NRG2: variants seen among roughly 807,000 people sequenced by gnomAD.
The protein encoded by NRG2 is neuregulin 2.
NRG2 carries 27 observed loss-of-function variants against 73.9 expected under a neutral mutation model. That is an observed-to-expected ratio of 0.37 (90% confidence interval 0.27 to 0.50). The LOEUF (loss-of-function observed/expected upper bound fraction) is 0.50, where lower values mean the gene tolerates loss of function less well. Among genes scored for constraint, NRG2 ranks in the 20% least tolerant of loss-of-function variants. The pLI is 0.96. For missense variants in NRG2, 1,126 were observed against 1,210.1 expected (o/e 0.93, Z 1.03); for synonymous variants, 532 against 541.0 (o/e 0.98, Z 0.23).
rs757785796 is a variant in NRG2 at position 139,851,616 on chromosome 5, G to C, written c.1760C>G (p.Pro587Arg). ...HDSVDSLRDSPHSERYVSALT... is the reference protein window; with the variant it reads ...HDSVDSLRDSRHSERYVSALT... Reference sequence around the variant, plus strand: ...GGTAGGAACTGACCTCTCGCTGTGTGGGGAGTCGCGAAGGGAGTCCACGGA... The same window carrying C: ...GGTAGGAACTGACCTCTCGCTGTGTCGGGAGTCGCGAAGGGAGTCCACGGA... Residue 587 changes from proline to arginine, a missense_variant, in exon 9 of 10, where the codon CCA (proline) becomes CGA (arginine). Pro to Arg is a moderately radical substitution (Grantham distance 103). Transcript: ENST00000361474. This position sits in a 1 kb window ranked among gnomAD's most constrained non-coding sequence, Gnocchi z 4.2. 1 of 1,613,914 alleles carries C rather than the reference G, an allele frequency of 6.2e-7. No individual in the cohort carries two copies. The highest frequency in any genetic ancestry group is 1.1e-5 in the South Asian group (1 of 91,064).
rs554089179 is a variant in NRG2, at chr5:139,868,992, C to T, written c.1112+2729G>A. Among the ~76,000 whole-genome samples the T allele has an allele frequency of 4.3e-4, 65 of 152,172 alleles. No homozygotes were observed. The highest frequency in any genetic ancestry group is 7.1e-4 in the Non-Finnish European group (48 of 67,986). ...CAGTCCCCAAGAGTCACGCACCAAC[C>T]GTGCTCTACAAACACACGGAGAGAA... is the stretch of plus-strand genomic sequence containing the variant. On this transcript the variant is annotated intron_variant, in intron 4 of 9. Coordinates refer to ENST00000361474, the MANE Select transcript of NRG2 (RefSeq NM_004883.3). This position sits in a 1 kb window ranked among gnomAD's most constrained non-coding sequence, Gnocchi z 4.2.
chr5:139,924,705 C>T (rs544735893), intron 1 of NRG2, among the ~76,000 whole-genome samples: 1 of 152,170 alleles, frequency 6.6e-6, no homozygotes, highest in African/African-American at 2.4e-5. Flanking sequence ...GGAGGCTCAG[C>T]TAATCTCTTC....
At chr5:139,884,646 C>G (rs921501664) in intron 2 of NRG2, among the ~76,000 whole-genome samples, 9 of 151,922 alleles carry the variant, frequency 5.9e-5, no homozygotes, top group African/African-American at 2.2e-4. Flanking sequence ...TTTTTTTTTC[C>G]TGAAGAAAAG....
At chr5:139,872,965 G>A (rs773872109) in intron 3 of NRG2, among the ~76,000 whole-genome samples, 5 of 152,144 alleles carry the variant, frequency 3.3e-5, no homozygotes, top group Non-Finnish European at 5.9e-5. Context: ...GGTGGCCCAA[G>A]CTACCCCAGC....
intron 3 of NRG2, among the ~76,000 whole-genome samples, chr5:139,876,478 T>C (rs1363614114): frequency 1.3e-5 from 2 of 152,172 alleles, no homozygotes; most frequent in East Asian, 3.8e-4. Context: ...AATTTTATGG[T>C]ATATAAATTA....
chr5:139,997,317 A>C (rs1003647542), intron 1 of NRG2, among the ~76,000 whole-genome samples: 2 of 152,222 alleles, frequency 1.3e-5, no homozygotes, highest in Middle Eastern at 3.4e-3. Context: ...AAAGCTCAGC[A>C]CTCTGCCTTT....
At chr5:139,895,162 C>T (rs1325612007) in intron 1 of NRG2, among the ~76,000 whole-genome samples, 2 of 152,240 alleles carry the variant, frequency 1.3e-5, no homozygotes, top group Admixed American at 6.5e-5. Flanking sequence ...CCAGGCCTGA[C>T]CACCAGGGAC....
chr5:139,939,745 T>C (rs1476823528), intron 1 of NRG2, among the ~76,000 whole-genome samples: 1 of 152,198 alleles, frequency 6.6e-6, no homozygotes, highest in Admixed American at 6.5e-5. Flanking sequence ...ATGTCTAGAA[T>C]ATATGTTTTA....
At chr5:140,009,940 C>A (rs980055876) in intron 1 of NRG2, among the ~76,000 whole-genome samples, 2 of 152,086 alleles carry the variant, frequency 1.3e-5, no homozygotes, top group African/African-American at 2.4e-5. Context: ...TCAGTGGTTG[C>A]CAGGGGCTGA....
In NRG2 at chr5:139,954,433, T is replaced by C. The variant is rs1193645572; in HGVS notation, c.701-66922A>G. ...TGTGCCAGCACTCTCCTGGCTGTCC[T>C]GCCTGTTTTCTCCCTTCCAATTCAT... On this transcript the variant is annotated intron_variant, in intron 1 of 9. Transcript: ENST00000361474. The surrounding 1 kb of genome is among the most constrained non-coding windows in gnomAD (Gnocchi z 5.0). 2.0e-5 allele frequency among the ~76,000 whole-genome samples: 3 copies of C among 152,216 alleles called. No homozygotes were observed. Among genetic ancestry groups the C allele is most frequent in the African/African-American group, 7.2e-5 (3 of 41,464 alleles).
intron 1 of NRG2, among the ~76,000 whole-genome samples, chr5:139,963,411 C>A (rs1402329334): frequency 6.6e-6 from 1 of 152,224 alleles, no homozygotes; most frequent in Non-Finnish European, 1.5e-5. Context: ...CCGTCCCTAT[C>A]TCAACCAGGT....
At chr5:139,855,565 GA>G in intron 6 of NRG2, 110 bp downstream of exon 6, 1 of 904,270 alleles carries the variant, frequency 1.1e-6, no homozygotes, top group African/African-American at 1.6e-5. Flanking sequence ...TGGGGCCTAG[GA>G]GGGTATAGAG....
rs112259669 is a variant in NRG2, at chr5:139,880,914, G to A, written c.933C>T (p.Cys311=). The change falls in exon 3 of 10, where the codon TGC becomes TGT. Residue 311 remains cysteine (C), a synonymous_variant. Transcript: ENST00000361474. The part of the protein sequence containing the change: ...VKVEDAGEYV[C]EAENILGKDT... ...CCTTCCCCAGGATGTTCTCGGCCTC[G>A]CAGACATACTCCCCAGCGTCCTCCA... is the stretch of plus-strand genomic sequence containing the variant. The A allele has an allele frequency of 6.3e-5, 101 of 1,614,018 alleles. No individual in the cohort carries two copies. The highest frequency in any genetic ancestry group is 4.1e-4 in the African/African-American group (31 of 74,922).
At chr5:139,968,165 T>C (rs1478537004) in intron 1 of NRG2, among the ~76,000 whole-genome samples, 1 of 152,038 alleles carries the variant, frequency 6.6e-6, no homozygotes, top group African/African-American at 2.4e-5. Flanking sequence ...CACTCTCCGA[T>C]AGTCCCGTCC....
rs77838897 is a variant in NRG2, at chr5:139,949,292, C to A, written c.701-61781G>T. Among the ~76,000 whole-genome samples, 809 of 152,256 alleles carry A rather than the reference C, an allele frequency of 5.3e-3. 7 individuals are homozygous for A. Among genetic ancestry groups the A allele is most frequent in the African/African-American group, 0.018 (734 of 41,544 alleles). ...AGACATATAATGGTCATGCTATGTA[C>A]AAACTATGATATCACTATTTTAGGG... is the stretch of plus-strand genomic sequence containing the variant. On this transcript the variant is annotated intron_variant, in intron 1 of 9. Coordinates refer to ENST00000361474, the MANE Select transcript of NRG2 (RefSeq NM_004883.3).
chr5:140,020,698 T>C (rs551257846), intron 1 of NRG2, among the ~76,000 whole-genome samples: 26 of 152,348 alleles, frequency 1.7e-4, no homozygotes, highest in Admixed American at 3.3e-4. Context: ...CACTGCATTT[T>C]AGCAAGATCG....
rs552221821 is a variant in NRG2 at position 139,882,062 on chromosome 5, G to C, written c.873-1088C>G. ...AAGTAACACGGTAATTTCTGCACATGGTATGATCACCTCCTCTTTTTAGTG... is the reference window on the plus strand; with the variant it reads ...AAGTAACACGGTAATTTCTGCACATCGTATGATCACCTCCTCTTTTTAGTG... On this transcript the variant is annotated intron_variant, in intron 2 of 9. Coordinates refer to ENST00000361474, the MANE Select transcript of NRG2 (RefSeq NM_004883.3). 2.6e-5 allele frequency among the ~76,000 whole-genome samples: 4 copies of C among 152,308 alleles called. No individual in the cohort carries two copies. In the South Asian group the frequency reaches 8.3e-4, roughly 32 times the overall value.
At chr5:140,020,904 G>A (rs964723384) in intron 1 of NRG2, among the ~76,000 whole-genome samples, 14 of 152,112 alleles carry the variant, frequency 9.2e-5, no homozygotes, top group African/African-American at 2.2e-4. Context: ...AGTACATCTC[G>A]GAGCCAATGA....
Position 139,847,068 on chromosome 5 carries a change from T to C in NRG2, c.*849A>G, listed in dbSNP as rs1418193691. On this transcript the variant is annotated 3_prime_UTR_variant, in exon 10 of 10. Transcript: ENST00000361474. Reference sequence around the variant, plus strand: ...GGGGAATACACTGTCGAGTGGCTCTTCTCGGTCCCAGCGTGACCATGCATC... The same window carrying C: ...GGGGAATACACTGTCGAGTGGCTCTCCTCGGTCCCAGCGTGACCATGCATC... 1 of 152,238 alleles carries C rather than the reference T, an allele frequency of 6.6e-6. No homozygotes were observed. Among genetic ancestry groups the C allele is most frequent in the Non-Finnish European group, 1.5e-5 (1 of 68,036 alleles). The allele number at this position is 152,238 out of a possible 1,614,324, so 9.4% of individuals were successfully genotyped here. A position where few individuals can be genotyped will look rare whatever the true frequency, so the allele number is the denominator to read the frequency against.
Sources: allele counts gnomAD v4.1 joint callset (sites outside exome capture counted in the v4.1 genomes callset), GRCh38; gene constraint gnomAD v4.1.1; non-coding constraint Gnocchi (gnomAD v3.1); transcripts MANE v1.5; gene names NCBI Gene and HGNC (gene_info 2026-07-23, HGNC 2026-07-21).